SMURF2: variants seen among roughly 807,000 people sequenced by gnomAD.
SMURF2 encodes E3 ubiquitin-protein ligase SMURF2.
In SMURF2, 48 loss-of-function variants were observed where a neutral mutation model predicts 109.6. The ratio of observed to expected loss-of-function variants is 0.44; its 90% CI spans 0.35 to 0.56. SMURF2 has a LOEUF of 0.56. SMURF2 is among the 20% of genes least tolerant of loss of function. SMURF2 has a pLI of 0.01. For missense variants in SMURF2, 575 were observed against 909.0 expected (o/e 0.63, Z 4.72); for synonymous variants, 288 against 317.1 (o/e 0.91, Z 0.97).
At chr17:64,645,798 T>C (rs1266033575) in intron 1 of SMURF2, among the ~76,000 whole-genome samples, 1 of 152,126 alleles carries the variant, frequency 6.6e-6, no homozygotes, top group Non-Finnish European at 1.5e-5. Flanking sequence ...ATGAGATGGA[T>C]GGGGTTTTCT....
intron 1 of SMURF2, among the ~76,000 whole-genome samples, chr17:64,614,783 G>C (rs1034789452): frequency 6.6e-6 from 1 of 152,182 alleles, no homozygotes; most frequent in Non-Finnish European, 1.5e-5. Context: ...CAAGTGCTAT[G>C]ACAGTTTCTG....
intron 1 of SMURF2, among the ~76,000 whole-genome samples, chr17:64,608,920 A>AT (rs1375604582): frequency 6.6e-6 from 1 of 152,178 alleles, no homozygotes; most frequent in African/African-American, 2.4e-5. Context: ...TCAGCCAGCC[A>AT]TCATCTACCT....
At position 64,647,215 on chromosome 17, in the gene SMURF2, T is replaced by G. The variant is rs533809900; in HGVS notation, c.52+14614A>C. On this transcript the variant is annotated intron_variant, in intron 1 of 18. Transcript: ENST00000262435. ...GCATATTTCATCATTATTCTTAGTC[T>G]TCTTCCTTGCTAGAAAAAATACAAT... 9.9e-5 allele frequency among the ~76,000 whole-genome samples: 15 copies of G among 152,250 alleles called. 1 individual carries two copies. In the South Asian group the frequency reaches 3.1e-3, roughly 32 times the overall value.
At chr17:64,553,049 C>T (rs1262168734) in intron 15 of SMURF2, among the ~76,000 whole-genome samples, 2 of 151,914 alleles carry the variant, frequency 1.3e-5, no homozygotes, top group African/African-American at 2.4e-5. Context: ...ATACTTTTTA[C>T]GTATATAACA....
chr17:64,647,847 A>C (rs1422266273), intron 1 of SMURF2, among the ~76,000 whole-genome samples: 1 of 151,884 alleles, frequency 6.6e-6, no homozygotes, highest in African/African-American at 2.4e-5. Context: ...CTTGAAACCC[A>C]GAGTTCAAGA....
At chr17:64,567,816 A>G (rs1266427499) in intron 10 of SMURF2, among the ~76,000 whole-genome samples, 13 of 148,132 alleles carry the variant, frequency 8.8e-5, no homozygotes, top group African/African-American at 3.3e-4. Flanking sequence ...CTGGGTCCCA[A>G]CTAGCTGGGA....
rs550707957 is a variant in SMURF2 at position 64,583,322 on chromosome 17, A to G, written c.569+139T>C. ...TGAAGATCACTTTTAAAAAATAACA[A>G]TGGCACCTGTTATAAGATCTACTGA... On this transcript the variant is annotated intron_variant, in intron 7 of 18. Coordinates refer to ENST00000262435, the MANE Select transcript of SMURF2 (RefSeq NM_022739.4). 23 of 660,022 alleles carry G rather than the reference A, an allele frequency of 3.5e-5. No individual in the cohort carries two copies. The African/African-American group carries it at 3.7e-4, about 10-fold the overall frequency. The allele number at this position is 660,022 out of a possible 1,614,324, so 40.9% of individuals were successfully genotyped here.
intron 1 of SMURF2, among the ~76,000 whole-genome samples, chr17:64,643,334 T>C (rs1195352055): frequency 6.6e-6 from 1 of 152,140 alleles, no homozygotes; most frequent in Non-Finnish European, 1.5e-5. Flanking sequence ...AAATTGAATT[T>C]TAAATCAATA....
intron 1 of SMURF2, among the ~76,000 whole-genome samples, chr17:64,631,271 A>AGG: frequency 1.7e-4 from 1 of 5,894 alleles, no homozygotes; most frequent in Non-Finnish European, 2.7e-4. Context: ...GGGGGGAGAG[A>AGG]GGGGGGGGGG....
intron 10 of SMURF2, among the ~76,000 whole-genome samples, chr17:64,568,813 C>T (rs1969354069): frequency 6.6e-6 from 1 of 150,712 alleles, no homozygotes; most frequent in African/African-American, 2.5e-5. Flanking sequence ...ACCAGCCTGG[C>T]TAACACGGTG....
intron 12 of SMURF2, 76 bp downstream of exon 12, chr17:64,561,424 A>G (rs1969216104): frequency 2.2e-6 from 2 of 927,432 alleles, no homozygotes; most frequent in Admixed American, 2.1e-5. Flanking sequence ...TCGATGAGAA[A>G]GTTACACCAC....
Position 64,609,827 on chromosome 17 carries a change from C to A in SMURF2, c.53-3187G>T, listed in dbSNP as rs117297599. 4.4e-4 allele frequency among the ~76,000 whole-genome samples: 67 copies of A among 151,952 alleles called. No individual in the cohort carries two copies. The East Asian group carries it at 0.013, about 29-fold the overall frequency. ...AAAGAAACTCATCAGAGTGAACAGG[C>A]ACCCTACAGAATGGGAGAAAAAATT... is the stretch of plus-strand genomic sequence containing the variant. On this transcript the variant is annotated intron_variant, in intron 1 of 18. Transcript: ENST00000262435.
intron 4 of SMURF2, 54 bp downstream of exon 4, chr17:64,593,386 T>G: frequency 6.6e-7 from 1 of 1,514,800 alleles, no homozygotes; most frequent in Non-Finnish European, 8.9e-7. Context: ...CAAATACATA[T>G]ACACACACAC....
At chr17:64,578,874 A>T (rs1297616866) in intron 8 of SMURF2, among the ~76,000 whole-genome samples, 1 of 152,236 alleles carries the variant, frequency 6.6e-6, no homozygotes, top group Non-Finnish European at 1.5e-5. Context: ...TAACTAAAAA[A>T]TTTTAAATGA....
intron 1 of SMURF2, among the ~76,000 whole-genome samples, chr17:64,626,021 C>A (rs1334947319): frequency 1.3e-5 from 2 of 152,116 alleles, no homozygotes; most frequent in African/African-American, 2.4e-5. Flanking sequence ...TGCCTATAAT[C>A]CCAGCACCTT....
intron 16 of SMURF2, among the ~76,000 whole-genome samples, chr17:64,549,534 T>C (rs982049491): frequency 2.6e-5 from 4 of 151,864 alleles, no homozygotes; most frequent in African/African-American, 4.8e-5. Flanking sequence ...GGCAGGTGGA[T>C]TGCCTGAGCT....
intron 1 of SMURF2, among the ~76,000 whole-genome samples, chr17:64,611,219 G>T (rs539791424): frequency 1.3e-5 from 2 of 152,216 alleles, no homozygotes; most frequent in South Asian, 4.1e-4. Flanking sequence ...TCTGGGGAGA[G>T]AATCCACATT....
chr17:64,652,529 C>A (rs1415866355), intron 1 of SMURF2, among the ~76,000 whole-genome samples: 1 of 152,170 alleles, frequency 6.6e-6, no homozygotes, highest in Admixed American at 6.5e-5. Flanking sequence ...GCTCTGTCGC[C>A]CAGGCTGGAG....
intron 9 of SMURF2, 69 bp downstream of exon 9, chr17:64,578,423 A>T (rs1555686240): frequency 2.8e-6 from 3 of 1,077,888 alleles, no homozygotes; most frequent in East Asian, 4.8e-5. Context: ...AAAATTTCTT[A>T]AAAATCAAAG....
Sources: allele counts gnomAD v4.1 joint callset (sites outside exome capture counted in the v4.1 genomes callset), GRCh38; gene constraint gnomAD v4.1.1; transcripts MANE v1.5; gene names NCBI Gene and HGNC (gene_info 2026-07-23, HGNC 2026-07-21).